Variants in IGSF3 observed in about 807,000 individuals in gnomAD.
IGSF3 encodes the protein glu-Trp-Ile EWI motif-containing protein 3.
IGSF3 carries 23 observed loss-of-function variants against 114.4 expected under a neutral mutation model. That is an observed-to-expected ratio of 0.20 (90% CI 0.14 to 0.28). The LOEUF (loss-of-function observed/expected upper bound fraction) is 0.28, where lower values mean the gene tolerates loss of function less well. Among genes scored for constraint, IGSF3 ranks in the 10% least tolerant of loss-of-function variants. The pLI, the probability that IGSF3 is intolerant of heterozygous loss-of-function variation, is 1.00. For missense variants in IGSF3, 1,172 were observed against 1,591.5 expected (o/e 0.74, Z 4.48); for synonymous variants, 571 against 645.2 (o/e 0.88, Z 1.74).
rs1401339854 is a variant in IGSF3 at position 116,582,413 on chromosome 1, T to G, written c.2848+2232A>C. On this transcript the variant is annotated intron_variant, in intron 9 of 10. Coordinates refer to ENST00000369486, the MANE Select transcript of IGSF3 (RefSeq NM_001007237.3). This position sits in a 1 kb window ranked among gnomAD's most constrained non-coding sequence, Gnocchi z 4.7. ...TGTGGTTTTCTCCCTTCCCCAGTTGTGTGAGCCCAACACAACTACTAATCG... is the reference window on the plus strand; with the variant it reads ...TGTGGTTTTCTCCCTTCCCCAGTTGGGTGAGCCCAACACAACTACTAATCG... Among the ~76,000 whole-genome samples, 2 of 152,218 alleles carry G rather than the reference T, an allele frequency of 1.3e-5. No individual in the cohort carries two copies.
At chr1:116,630,360 T>C (rs1647501882) in intron 2 of IGSF3, among the ~76,000 whole-genome samples, 1 of 152,182 alleles carries the variant, frequency 6.6e-6, no homozygotes, top group Non-Finnish European at 1.5e-5. Context: ...AAACAGGAAA[T>C]AAGGACTGAG....
rs1167532705 is a variant in IGSF3 at position 116,584,552 on chromosome 1, T to G, written c.2848+93A>C. Reference sequence around the variant, plus strand: ...ACTCATATATTTAACTGCAAATAATTTATTAATAAACTAATTTTATCCAGT... The same window carrying G: ...ACTCATATATTTAACTGCAAATAATGTATTAATAAACTAATTTTATCCAGT... On this transcript the variant is annotated intron_variant, in intron 9 of 10. Transcript: ENST00000369486. This position sits in a 1 kb window ranked among gnomAD's most constrained non-coding sequence, Gnocchi z 5.8. The G allele has an allele frequency of 8.1e-7, 1 of 1,239,208 alleles. No individual in the cohort carries two copies. Among genetic ancestry groups the G allele is most frequent in the Non-Finnish European group, 1.2e-6 (1 of 868,244 alleles). 76.8% of individuals were successfully genotyped at this position (1,239,208 alleles called of 1,614,324 possible). A position where few individuals can be genotyped will look rare whatever the true frequency, so the allele number is the denominator to read the frequency against.
intron 9 of IGSF3, among the ~76,000 whole-genome samples, chr1:116,581,046 A>C (rs113066221): frequency 1.1e-3 from 163 of 152,350 alleles, no homozygotes; most frequent in African/African-American, 3.5e-3. Context: ...AATTTAAAAC[A>C]CCCATGCAGT....
chr1:116,587,028 G>A (rs908063908), intron 8 of IGSF3, among the ~76,000 whole-genome samples: 1 of 151,688 alleles, frequency 6.6e-6, no homozygotes, highest in Non-Finnish European at 1.5e-5. Flanking sequence ...ATAACCTCAG[G>A]CAAAGGAGGG....
intron 2 of IGSF3, among the ~76,000 whole-genome samples, chr1:116,641,457 C>T (rs141031433): frequency 0.072 from 8,767 of 121,706 alleles, 906 homozygotes; most frequent in African/African-American, 0.25. Context: ...GATTGTGCCA[C>T]TGCACTCTAG....
chr1:116,612,996 A>G lies in IGSF3; in HGVS notation c.832+769T>C, dbSNP rs958351827. ...GCCACCATCATTTTGCCTCAGCTCT[A>G]AAGACATCATGCAACCTCCTCAGGA... On this transcript the variant is annotated intron_variant, in intron 4 of 10. Transcript: ENST00000369486. The surrounding 1 kb of genome is among the most constrained non-coding windows in gnomAD (Gnocchi z 4.1). Among the ~76,000 whole-genome samples the G allele has an allele frequency of 6.6e-6, 1 of 152,198 alleles. No homozygotes were observed.
intron 6 of IGSF3, among the ~76,000 whole-genome samples, chr1:116,601,576 T>A (rs1660591280): frequency 6.6e-6 from 1 of 152,126 alleles, no homozygotes; most frequent in Non-Finnish European, 1.5e-5. Flanking sequence ...AATAGAAATT[T>A]AAAAAAAGTA....
chr1:116,636,299 C>T lies in IGSF3; in HGVS notation c.44-19842G>A, dbSNP rs1647824872. 6.6e-6 allele frequency among the ~76,000 whole-genome samples: 1 copy of T among 152,160 alleles called. No homozygotes were observed. The highest frequency in any genetic ancestry group is 1.5e-5 in the Non-Finnish European group (1 of 68,030). ...TTGGTTTTCATGCACTCTGAGTTGG[C>T]CCTATCTCCCCTTTTTGGCCTCAAG... On this transcript the variant is annotated intron_variant, in intron 2 of 10. Coordinates refer to ENST00000369486, the MANE Select transcript of IGSF3 (RefSeq NM_001007237.3). The surrounding 1 kb of genome is among the most constrained non-coding windows in gnomAD (Gnocchi z 4.5).
At chr1:116,645,010 G>A (rs1648297075) in intron 2 of IGSF3, among the ~76,000 whole-genome samples, 1 of 152,092 alleles carries the variant, frequency 6.6e-6, no homozygotes. Flanking sequence ...CCACTCCTAA[G>A]TATTTACCCA....
chr1:116,667,404 C>T (rs1008881721), intron 1 of IGSF3, among the ~76,000 whole-genome samples: 7 of 152,124 alleles, frequency 4.6e-5, no homozygotes, highest in African/African-American at 9.6e-5. Context: ...GAAAAGAAAC[C>T]GGGGAAGAAG....
intron 5 of IGSF3, among the ~76,000 whole-genome samples, chr1:116,606,887 T>C (rs1383886235): frequency 6.6e-6 from 1 of 152,230 alleles, no homozygotes; most frequent in African/African-American, 2.4e-5. Context: ...ATTAGGTATG[T>C]GTGTGCATGG....
rs568966507 is a variant in IGSF3, at chr1:116,655,201, A to G, written c.43+11083T>C. ...AGATAACAGAACAATGAATGCTTGT[A>G]GCAGGCACTCGGTTATTTGTTGAAT... is the stretch of plus-strand genomic sequence containing the variant. On this transcript the variant is annotated intron_variant, in intron 2 of 10. Coordinates refer to ENST00000369486, the MANE Select transcript of IGSF3 (RefSeq NM_001007237.3). The surrounding 1 kb of genome is among the most constrained non-coding windows in gnomAD (Gnocchi z 4.3). Among the ~76,000 whole-genome samples, 1 of 152,366 alleles carries G rather than the reference A, an allele frequency of 6.6e-6. No homozygotes were observed. Among genetic ancestry groups the G allele is most frequent in the East Asian group, 1.9e-4 (1 of 5,188 alleles).
intron 2 of IGSF3, among the ~76,000 whole-genome samples, chr1:116,652,949 C>A (rs887221897): frequency 2.9e-4 from 44 of 152,178 alleles, no homozygotes; most frequent in African/African-American, 1.1e-3. Context: ...CATGGGGCAT[C>A]TTGAACTCTC....
rs1374441754 is a variant in IGSF3 at position 116,583,703 on chromosome 1, T to C, written c.2848+942A>G. ...AGGTCCTTACAGGAACCATCGACTT[T>C]TCATTCTAATATGAATGGATGATGC... On this transcript the variant is annotated intron_variant, in intron 9 of 10. Coordinates refer to ENST00000369486, the MANE Select transcript of IGSF3 (RefSeq NM_001007237.3). The surrounding 1 kb of genome is among the most constrained non-coding windows in gnomAD (Gnocchi z 4.5). Among the ~76,000 whole-genome samples, 1 of 152,206 alleles carries C rather than the reference T, an allele frequency of 6.6e-6. No individual in the cohort carries two copies. Among genetic ancestry groups the C allele is most frequent in the Non-Finnish European group, 1.5e-5 (1 of 68,032 alleles).
In IGSF3 at chr1:116,592,294, G is replaced by A. The variant is rs1171899473; in HGVS notation, c.2030-3190C>T. On this transcript the variant is annotated intron_variant, in intron 7 of 10. Coordinates refer to ENST00000369486, the MANE Select transcript of IGSF3 (RefSeq NM_001007237.3). This position sits in a 1 kb window ranked among gnomAD's most constrained non-coding sequence, Gnocchi z 4.5. The stretch of plus-strand genomic sequence containing the variant: ...AAATGCAGACGTGAAAGAAAAGAGT[G>A]AGGCTTGGTTAACCCCCAACAGTGA... Among the ~76,000 whole-genome samples the A allele has an allele frequency of 1.3e-5, 2 of 152,340 alleles. No homozygotes were observed. The highest frequency in any genetic ancestry group is 2.1e-4 in the South Asian group (1 of 4,828).
chr1:116,658,665 A>G (rs1359736699), intron 2 of IGSF3, among the ~76,000 whole-genome samples: 1 of 151,734 alleles, frequency 6.6e-6, no homozygotes, highest in Non-Finnish European at 1.5e-5. Context: ...ACAGGACGTC[A>G]CTCTCCTCTT....
chr1:116,608,035 G>A lies in IGSF3; in HGVS notation c.1129C>T (p.Arg377Trp), dbSNP rs751034471. The A allele has an allele frequency of 6.2e-6, 10 of 1,613,650 alleles. No individual in the cohort carries two copies. Among genetic ancestry groups the A allele is most frequent in the South Asian group, 1.1e-5 (1 of 91,068 alleles). ...RQEDSGKYNC[R>W]VTEREKTVTG... ...ACGGTTTTCTCTCGCTCAGTCACCC[G>A]GCAGTTGTATTTCCCGCTATCTTCC... The change falls in exon 5 of 11, where the codon CGG becomes TGG. Residue 377 changes from arginine (R) to tryptophan (W), a missense_variant. Physicochemically the swap from Arg to Trp is moderately radical, Grantham distance 101. Coordinates refer to ENST00000369486, the MANE Select transcript of IGSF3 (RefSeq NM_001007237.3).
rs1030003700 is a variant in IGSF3 at position 116,647,325 on chromosome 1, T to C, written c.43+18959A>G. 1.4e-4 allele frequency among the ~76,000 whole-genome samples: 22 copies of C among 152,180 alleles called. No individual in the cohort carries two copies. Among genetic ancestry groups the C allele is most frequent in the African/African-American group, 5.1e-4 (21 of 41,448 alleles). The stretch of plus-strand genomic sequence containing the variant: ...AGACTGAAACAAGAACACCAAGATA[T>C]TCCAAGGGAGGTGACAATGGGGTCC... On this transcript the variant is annotated intron_variant, in intron 2 of 10. Coordinates refer to ENST00000369486, the MANE Select transcript of IGSF3 (RefSeq NM_001007237.3). This position sits in a 1 kb window ranked among gnomAD's most constrained non-coding sequence, Gnocchi z 4.6.
At chr1:116,578,994 T>G (rs1035553093) in intron 10 of IGSF3, among the ~76,000 whole-genome samples, 2 of 152,136 alleles carry the variant, frequency 1.3e-5, no homozygotes, top group African/African-American at 4.8e-5. Context: ...GACAGTGAGG[T>G]AGTCAGCCTT....
Sources: gnomAD v4.1 joint callset for allele counts (sites outside exome capture counted in the v4.1 genomes callset) on GRCh38, gnomAD v4.1.1 for gene constraint, Gnocchi (gnomAD v3.1) non-coding constraint, MANE v1.5 for transcripts, NCBI Gene and HGNC (gene_info 2026-07-23, HGNC 2026-07-21) for gene names.